The following MLPH variants were observed in gnomAD, a reference collection of about 807,000 sequenced individuals.
The protein encoded by MLPH is melanophilin, also known as exophilin-3.
A neutral mutation model predicts 72.1 loss-of-function variants in MLPH; 51 were observed. That is an observed-to-expected ratio of 0.71 (90% confidence interval 0.56 to 0.89). The LOEUF (loss-of-function observed/expected upper bound fraction) is 0.89. MLPH is among the 40% of genes least tolerant of loss of function. MLPH has a pLI of 0.00. For synonymous variants in MLPH, 301 were observed against 310.1 expected (o/e 0.97, Z 0.31); for missense variants, 743 against 759.9 (o/e 0.98, Z 0.26).
At chr2:237,550,703 C>T (rs1266336040) in intron 14 of MLPH, among the ~76,000 whole-genome samples, 2 of 152,148 alleles carry the variant, frequency 1.3e-5, no homozygotes, top group Non-Finnish European at 2.9e-5. Context: ...GTGCCTGCCA[C>T]CATGCTAGGC....
At chr2:237,511,388 A>T (rs1042200708) in intron 4 of MLPH, 1 of 410,826 alleles carries the variant, frequency 2.4e-6, no homozygotes, top group Non-Finnish European at 4.6e-6. Flanking sequence ...CTGGGGTTAT[A>T]AGTGTGAGCC....
At chr2:237,546,056 G>A (rs1559378497) in intron 12 of MLPH, among the ~76,000 whole-genome samples, 1 of 152,296 alleles carries the variant, frequency 6.6e-6, no homozygotes, top group African/African-American at 2.4e-5. Flanking sequence ...TCAATCAGTA[G>A]GTGTAAGATG....
At position 237,540,654 on chromosome 2, in the gene MLPH, C is replaced by G. The variant is rs998167183; in HGVS notation, c.1290+121C>G. On this transcript the variant is annotated intron_variant, in intron 10 of 15. Transcript: ENST00000264605. ...CACCCACAGGAGCACACCAAGGGCC[C>G]TTGATGGGGTCTGCAGCGGGTGGCC... 4.7e-6 allele frequency: 7 copies of G among 1,496,432 alleles called. No individual in the cohort carries two copies. The East Asian group carries it at 1.7e-4, about 37-fold the overall frequency. The allele number at this position is 1,496,432 out of a possible 1,614,324, so 92.7% of individuals were successfully genotyped here. A position where few individuals can be genotyped will look rare whatever the true frequency, so the allele number is the denominator to read the frequency against.
chr2:237,521,125 T>C (rs1264671055), intron 6 of MLPH, among the ~76,000 whole-genome samples: 1 of 152,238 alleles, frequency 6.6e-6, no homozygotes, highest in Admixed American at 6.5e-5. Context: ...GTTAGATGCT[T>C]AATTGAGTTA....
At chr2:237,494,705 G>A (rs1389898725) in intron 2 of MLPH, among the ~76,000 whole-genome samples, 2 of 152,172 alleles carry the variant, frequency 1.3e-5, no homozygotes. Context: ...CAGATGGAGA[G>A]GTTTGGGGGA....
At chr2:237,495,268 T>C (rs1201059452) in intron 2 of MLPH, among the ~76,000 whole-genome samples, 1 of 152,220 alleles carries the variant, frequency 6.6e-6, no homozygotes, top group East Asian at 1.9e-4. Context: ...CCTCTTCCCA[T>C]CTCAGGATCC....
intron 2 of MLPH, among the ~76,000 whole-genome samples, chr2:237,494,241 A>C (rs2079489380): frequency 6.6e-6 from 1 of 151,868 alleles, no homozygotes; most frequent in Non-Finnish European, 1.5e-5. Flanking sequence ...CAGAAGGCAG[A>C]AGGCAGATGG....
Position 237,541,417 on chromosome 2 carries a change from G to A in MLPH, c.1446+460G>A, listed in dbSNP as rs1250602017. The stretch of plus-strand genomic sequence containing the variant: ...TCAAAGGGCAGAGCCAAAGCATTCA[G>A]GCCTCCCAGGGACAGCTGAGGTGAC... On this transcript the variant is annotated intron_variant, in intron 11 of 15. Transcript: ENST00000264605. The surrounding 1 kb of genome is among the most constrained non-coding windows in gnomAD (Gnocchi z 5.1). Among the ~76,000 whole-genome samples, 1 of 152,170 alleles carries A rather than the reference G, an allele frequency of 6.6e-6. No individual in the cohort carries two copies. The highest frequency in any genetic ancestry group is 1.9e-4 in the East Asian group (1 of 5,186).
At chr2:237,528,344 A>G (rs1323895239) in intron 8 of MLPH, among the ~76,000 whole-genome samples, 1 of 150,198 alleles carries the variant, frequency 6.7e-6, no homozygotes, top group African/African-American at 2.5e-5. Flanking sequence ...CTTTCAAAAA[A>G]TTTATTTTTT....
At chr2:237,506,630 A>G (rs2079777886) in intron 2 of MLPH, among the ~76,000 whole-genome samples, 1 of 152,216 alleles carries the variant, frequency 6.6e-6, no homozygotes, top group Non-Finnish European at 1.5e-5. Context: ...AGGGATTTTC[A>G]CAATGCTTTT....
chr2:237,504,690 G>T (rs967694690), intron 2 of MLPH, among the ~76,000 whole-genome samples: 1 of 152,152 alleles, frequency 6.6e-6, no homozygotes, highest in African/African-American at 2.4e-5. Context: ...GATTTTGCCC[G>T]CCCTATAACA....
rs901345514 is a variant in MLPH, at chr2:237,534,512, T to C, written c.1021-52T>C. Reference sequence around the variant, plus strand: ...GAGGTGGTGGGTGCCAGTGTCTTGCTGGTTGGAGTGCACTGGGTCCTCTGC... The same window carrying C: ...GAGGTGGTGGGTGCCAGTGTCTTGCCGGTTGGAGTGCACTGGGTCCTCTGC... On this transcript the variant is annotated intron_variant, in intron 8 of 15. Transcript: ENST00000264605. 2.0e-6 allele frequency: 3 copies of C among 1,468,678 alleles called. No individual in the cohort carries two copies. In the Admixed American group the frequency reaches 5.0e-5, roughly 25 times the overall value. 91.0% of individuals were successfully genotyped at this position (1,468,678 alleles called of 1,614,324 possible). A position where few individuals can be genotyped will look rare whatever the true frequency, so the allele number is the denominator to read the frequency against.
chr2:237,492,391 G>A (rs557499026), intron 1 of MLPH, among the ~76,000 whole-genome samples: 19 of 151,860 alleles, frequency 1.3e-4, no homozygotes, highest in African/African-American at 3.6e-4. Flanking sequence ...TCTTTGGGAG[G>A]CCAAGGCAGA....
intron 1 of MLPH, among the ~76,000 whole-genome samples, chr2:237,490,512 T>C (rs1450603803): frequency 6.6e-6 from 1 of 152,146 alleles, no homozygotes; most frequent in African/African-American, 2.4e-5. Flanking sequence ...TTTCCTTTTG[T>C]TTTGCTTTTC....
At chr2:237,543,017 G>A (rs116000568) in intron 12 of MLPH, among the ~76,000 whole-genome samples, 772 of 63,518 alleles carry the variant, frequency 0.012, 65 homozygotes, top group African/African-American at 0.045. Context: ...TGGAGACAGT[G>A]GTGAGTTGGG....
chr2:237,517,018 TGG>T (rs1559350757), intron 4 of MLPH, among the ~76,000 whole-genome samples: 2 of 147,476 alleles, frequency 1.4e-5, no homozygotes, highest in Non-Finnish European at 3.0e-5. Flanking sequence ...GATGGATGGA[TGG>T]ATGGATGGAT....
intron 2 of MLPH, among the ~76,000 whole-genome samples, chr2:237,501,645 A>G: frequency 6.9e-6 from 1 of 144,708 alleles, no homozygotes; most frequent in Admixed American, 7.0e-5. Flanking sequence ...TGGCTAACAT[A>G]GTGAAACCAC....
intron 14 of MLPH, among the ~76,000 whole-genome samples, chr2:237,550,218 G>T (rs555640762): frequency 2.6e-5 from 4 of 152,052 alleles, no homozygotes; most frequent in Non-Finnish European, 5.9e-5. Flanking sequence ...CCTCTCCCCC[G>T]GGGCTCTCCA....
In MLPH at chr2:237,519,934, G is replaced by A. The variant is rs199596806; in HGVS notation, c.580G>A (p.Asp194Asn). The change falls in exon 6 of 16, where the codon GAC (aspartate) becomes AAC (asparagine). Residue 194 changes from aspartate to asparagine, a missense_variant. Asp to Asn is a conservative substitution (Grantham distance 23). Coordinates refer to ENST00000264605, the MANE Select transcript of MLPH (RefSeq NM_024101.7). ...SKKKRLLSVH[D>N]FDFEGDSDDS... The stretch of plus-strand genomic sequence containing the variant: ...GAAAAAGCGCCTCCTCTCCGTCCAC[G>A]ACTTCGACTTCGAGGGAGACTCAGA... The A allele has an allele frequency of 5.9e-5, 95 of 1,613,828 alleles. No homozygotes were observed. The Middle Eastern group carries it at 9.9e-4, about 17-fold the overall frequency.
Sources: gnomAD v4.1 joint callset for allele counts (sites outside exome capture counted in the v4.1 genomes callset) on GRCh38, gnomAD v4.1.1 for gene constraint, Gnocchi (gnomAD v3.1) non-coding constraint, MANE v1.5 for transcripts, NCBI Gene and HGNC (gene_info 2026-07-23, HGNC 2026-07-21) for gene names.